Variants in PRPSAP1 observed in about 807,000 individuals in gnomAD.
PRPSAP1 encodes the protein phosphoribosyl pyrophosphate synthase-associated protein 1.
PRPSAP1 carries 31 observed loss-of-function variants against 39.4 expected under a neutral mutation model. That is an observed-to-expected ratio of 0.79 (90% CI 0.59 to 1.06). The LOEUF is 1.06. PRPSAP1 is among the 50% of genes least tolerant of loss of function. PRPSAP1 has a pLI of 0.00. For synonymous variants in PRPSAP1, 212 were observed against 192.6 expected (o/e 1.10, Z -0.83); for missense variants, 430 against 511.6 (o/e 0.84, Z 1.54).
chr17:76,337,218 A>G (rs943887964), intron 3 of PRPSAP1: 5 of 152,160 alleles, frequency 3.3e-5, no homozygotes, highest in African/African-American at 1.2e-4. Context: ...ATGCCCAGAC[A>G]ACCAACTACT....
At chr17:76,328,507 G>A (rs1046292731) in intron 7 of PRPSAP1, among the ~76,000 whole-genome samples, 1 of 152,084 alleles carries the variant, frequency 6.6e-6, no homozygotes, top group African/African-American at 2.4e-5. Context: ...CACTCACGAG[G>A]CTGAGGCAGG....
At chr17:76,340,856 C>T (rs1161826226) in intron 3 of PRPSAP1, among the ~76,000 whole-genome samples, 2 of 149,100 alleles carry the variant, frequency 1.3e-5, no homozygotes, top group African/African-American at 5.0e-5. Flanking sequence ...GAACCGAGAT[C>T]GCGCCATTGC....
At chr17:76,319,858 G>A (rs1413763158) in intron 7 of PRPSAP1, among the ~76,000 whole-genome samples, 1 of 152,172 alleles carries the variant, frequency 6.6e-6, no homozygotes, top group Non-Finnish European at 1.5e-5. Context: ...ATGAACACGG[G>A]GCGTGGTTAT....
intron 3 of PRPSAP1, among the ~76,000 whole-genome samples, chr17:76,335,354 T>G (rs928624128): frequency 3.9e-5 from 6 of 152,146 alleles, no homozygotes; most frequent in Non-Finnish European, 7.3e-5. Context: ...AGGTTTTTTT[T>G]GTTTTTTGTT....
chr17:76,341,384 C>A (rs1213521667), intron 3 of PRPSAP1, among the ~76,000 whole-genome samples: 1 of 151,876 alleles, frequency 6.6e-6, no homozygotes, highest in African/African-American at 2.4e-5. Flanking sequence ...ACTACAGGTG[C>A]ACACCACCAC....
chr17:76,316,637 GCT>G (rs1280183239), intron 7 of PRPSAP1, among the ~76,000 whole-genome samples: 4 of 152,194 alleles, frequency 2.6e-5, no homozygotes, highest in South Asian at 4.1e-4. Flanking sequence ...TTTAGATTCT[GCT>G]CTCTCTTTCC....
chr17:76,321,487 G>A (rs543186417), intron 7 of PRPSAP1, among the ~76,000 whole-genome samples: 11 of 152,116 alleles, frequency 7.2e-5, no homozygotes, highest in African/African-American at 2.7e-4. Context: ...GTTGCAGTGA[G>A]CCGAGAGCCA....
intron 2 of PRPSAP1, chr17:76,346,158 A>G (rs1598541951): frequency 8.1e-6 from 2 of 246,560 alleles, no homozygotes; most frequent in East Asian, 2.1e-4. Flanking sequence ...TTGAAATACT[A>G]TTTTTTATCA....
intron 2 of PRPSAP1, chr17:76,345,882 CA>C: frequency 4.8e-6 from 2 of 413,022 alleles, no homozygotes; most frequent in South Asian, 3.8e-5. Flanking sequence ...GAGATGAGGC[CA>C]AGGTGAAAGA....
chr17:76,334,599 T>C (rs2071359421), intron 3 of PRPSAP1, among the ~76,000 whole-genome samples: 2 of 151,658 alleles, frequency 1.3e-5, no homozygotes, highest in South Asian at 2.1e-4. Flanking sequence ...TGGATTTTTC[T>C]TAACTATTGC....
chr17:76,315,544 C>T (rs2071113247), intron 7 of PRPSAP1, among the ~76,000 whole-genome samples: 1 of 151,702 alleles, frequency 6.6e-6, no homozygotes, highest in African/African-American at 2.4e-5. Context: ...GAAACAAAGA[C>T]AACTTCTTGA....
At chr17:76,315,954 G>A (rs1333442708) in intron 7 of PRPSAP1, among the ~76,000 whole-genome samples, 2 of 151,288 alleles carry the variant, frequency 1.3e-5, no homozygotes, top group East Asian at 2.0e-4. Context: ...AAGGCAGGCG[G>A]ATCACCTGAG....
In PRPSAP1 at chr17:76,309,820, T is replaced by C. The variant is rs1439555490; in HGVS notation, c.*1722A>G. The stretch of plus-strand genomic sequence containing the variant: ...AGTCCTGGAACCAATCACCCATGGA[T>C]TGTAAGGAATAACTGTACTATTTTA... On this transcript the variant is annotated 3_prime_UTR_variant, in exon 10 of 10. Transcript: ENST00000446526. 1 of 152,234 alleles carries C rather than the reference T, an allele frequency of 6.6e-6. No homozygotes were observed. 9.4% of individuals were successfully genotyped at this position (152,234 alleles called of 1,614,324 possible).
At chr17:76,351,983 T>C (rs946778659) in intron 1 of PRPSAP1, among the ~76,000 whole-genome samples, 5 of 151,758 alleles carry the variant, frequency 3.3e-5, no homozygotes, top group African/African-American at 1.2e-4. Flanking sequence ...CAATCAGGGG[T>C]TAGAAATAGA....
chr17:76,316,592 C>T (rs1020276865), intron 7 of PRPSAP1, among the ~76,000 whole-genome samples: 1 of 152,202 alleles, frequency 6.6e-6, no homozygotes, highest in Non-Finnish European at 1.5e-5. Context: ...AGTTTTCATA[C>T]AAGGTCAAGA....
chr17:76,311,706 C>T lies in PRPSAP1; in HGVS notation c.1000-6G>A, dbSNP rs529479174. On this transcript the variant is annotated splice_polypyrimidine_tract_variant and splice_region_variant and intron_variant, in intron 9 of 9. Transcript: ENST00000446526. Reference sequence around the variant, plus strand: ...ACAGTATTCGTCACCACCACCTAGTCACACAGTGATGGAAAACAAACGCTG... The same window carrying T: ...ACAGTATTCGTCACCACCACCTAGTTACACAGTGATGGAAAACAAACGCTG... 5.0e-6 allele frequency: 8 copies of T among 1,611,016 alleles called. No individual in the cohort carries two copies. In the East Asian group the frequency reaches 1.6e-4, roughly 31 times the overall value.
chr17:76,349,261 G>C (rs549014758), intron 1 of PRPSAP1, among the ~76,000 whole-genome samples: 1 of 148,444 alleles, frequency 6.7e-6, no homozygotes, highest in South Asian at 2.1e-4. Flanking sequence ...CCGAGATCGC[G>C]CCATTGCACT....
At chr17:76,345,436 C>T (rs2071489662) in intron 2 of PRPSAP1, among the ~76,000 whole-genome samples, 1 of 151,712 alleles carries the variant, frequency 6.6e-6, no homozygotes, top group African/African-American at 2.4e-5. Context: ...CACTGCACTC[C>T]AGTCTGGGTG....
At chr17:76,316,536 A>G (rs2071125847) in intron 7 of PRPSAP1, among the ~76,000 whole-genome samples, 1 of 152,230 alleles carries the variant, frequency 6.6e-6, no homozygotes, top group South Asian at 2.1e-4. Context: ...TCACAGGCCA[A>G]CAGTTTTTGA....
Sources: gnomAD v4.1 joint callset for allele counts (sites outside exome capture counted in the v4.1 genomes callset) on GRCh38, gnomAD v4.1.1 for gene constraint, MANE v1.5 for transcripts, NCBI Gene and HGNC (gene_info 2026-07-23, HGNC 2026-07-21) for gene names.